PLCH1: variants seen among roughly 807,000 people sequenced by gnomAD.
PLCH1 encodes phospholipase C eta 1.
Under a neutral mutation model 126.7 loss-of-function variants are expected in PLCH1, and 60 were observed. The ratio of observed to expected loss-of-function variants is 0.47; its 90% CI spans 0.38 to 0.59. PLCH1 has a LOEUF of 0.59. Ranked by LOEUF, PLCH1 falls within the 20% of genes least tolerant of loss-of-function variation. PLCH1 has a pLI of 0.00. For missense variants in PLCH1, 1,723 were observed against 2,040.0 expected (o/e 0.84, Z 2.99); for synonymous variants, 719 against 734.9 (o/e 0.98, Z 0.35).
chr3:155,458,245 G>A (rs1386151653), intron 21 of PLCH1, among the ~76,000 whole-genome samples: 1 of 150,924 alleles, frequency 6.6e-6, no homozygotes, highest in Non-Finnish European at 1.5e-5. Context: ...AGGAGGCTGA[G>A]GCAGGAGAAT....
intron 7 of PLCH1, among the ~76,000 whole-genome samples, chr3:155,565,677 CT>C (rs1206850440): frequency 6.8e-6 from 1 of 147,756 alleles, no homozygotes; most frequent in Non-Finnish European, 1.5e-5. Context: ...TCTTTCTTTC[CT>C]TCTTTATTTT....
chr3:155,585,886 T>C (rs963850640), intron 5 of PLCH1, among the ~76,000 whole-genome samples, 179 bp downstream of exon 5: 1 of 152,244 alleles, frequency 6.6e-6, no homozygotes, highest in Non-Finnish European at 1.5e-5. Context: ...TTTGGACGAA[T>C]GTTAAATTTA....
chr3:155,710,480 A>T (rs1747023993), intron 1 of PLCH1, among the ~76,000 whole-genome samples: 1 of 152,214 alleles, frequency 6.6e-6, no homozygotes, highest in South Asian at 2.1e-4. Context: ...ACAATGATTC[A>T]AAACATAATT....
intron 2 of PLCH1, among the ~76,000 whole-genome samples, chr3:155,640,036 A>G (rs558278711): frequency 1.5e-4 from 23 of 152,220 alleles, no homozygotes; most frequent in Non-Finnish European, 3.1e-4. Context: ...AGCCTGCAGA[A>G]CTGTGAGTCT....
intron 21 of PLCH1, among the ~76,000 whole-genome samples, chr3:155,452,594 C>T (rs1240883101): frequency 6.6e-6 from 1 of 151,974 alleles, no homozygotes; most frequent in Non-Finnish European, 1.5e-5. Flanking sequence ...ATTTAGGGTA[C>T]CTTTATGGCC....
chr3:155,599,700 T>G (rs947806213), intron 2 of PLCH1, among the ~76,000 whole-genome samples: 1 of 152,222 alleles, frequency 6.6e-6, no homozygotes, highest in Admixed American at 6.5e-5. Flanking sequence ...GGACTGCCTA[T>G]GTATCTGACA....
chr3:155,535,657 C>T lies in PLCH1; in HGVS notation c.1363-11653G>A, dbSNP rs1316825488. ...CTCAAGAAGAGTCTGAGCTTAGACACGCCTGACCCTGCATCCAACTGATGG... is the reference window on the plus strand; with the variant it reads ...CTCAAGAAGAGTCTGAGCTTAGACATGCCTGACCCTGCATCCAACTGATGG... On this transcript the variant is annotated intron_variant, in intron 10 of 22. Coordinates refer to ENST00000460012, the MANE Select transcript of PLCH1 (RefSeq NM_014996.4). 6.6e-5 allele frequency among the ~76,000 whole-genome samples: 10 copies of T among 152,318 alleles called. No individual in the cohort carries two copies. In the South Asian group the frequency reaches 1.9e-3, roughly 28 times the overall value.
chr3:155,606,612 G>C (rs957865326), intron 2 of PLCH1, among the ~76,000 whole-genome samples: 1 of 152,204 alleles, frequency 6.6e-6, no homozygotes, highest in African/African-American at 2.4e-5. Context: ...GTTGCTTATA[G>C]TGAATGGTTA....
At chr3:155,655,871 T>C (rs1741295772) in intron 2 of PLCH1, among the ~76,000 whole-genome samples, 1 of 152,052 alleles carries the variant, frequency 6.6e-6, no homozygotes, top group South Asian at 2.1e-4. Context: ...AATTATTAAA[T>C]ACATTTTAAA....
At chr3:155,672,804 C>T (rs1334785970) in intron 2 of PLCH1, among the ~76,000 whole-genome samples, 3 of 152,154 alleles carry the variant, frequency 2.0e-5, no homozygotes, top group Non-Finnish European at 4.4e-5. Flanking sequence ...TCTACAGCAG[C>T]TTTGATCAGG....
chr3:155,514,457 T>G (rs545030533), intron 12 of PLCH1, among the ~76,000 whole-genome samples: 1 of 152,208 alleles, frequency 6.6e-6, no homozygotes. Flanking sequence ...TTCCCTCACC[T>G]GAGCATGCAT....
chr3:155,711,404 A>G (rs1325216062), intron 1 of PLCH1, among the ~76,000 whole-genome samples: 3 of 152,212 alleles, frequency 2.0e-5, no homozygotes, highest in Non-Finnish European at 4.4e-5. Context: ...GACACCACCA[A>G]TGAAGAATAT....
At chr3:155,541,081 A>G (rs1207759236) in intron 10 of PLCH1, among the ~76,000 whole-genome samples, 5 of 152,206 alleles carry the variant, frequency 3.3e-5, no homozygotes, top group Non-Finnish European at 7.4e-5. Flanking sequence ...GAAATATGGC[A>G]TTTGCAGCAA....
intron 2 of PLCH1, among the ~76,000 whole-genome samples, chr3:155,633,464 A>G (rs1577199832): frequency 6.6e-6 from 1 of 150,456 alleles, no homozygotes; most frequent in East Asian, 2.0e-4. Flanking sequence ...AAACACACCT[A>G]CTTGCATTAT....
At chr3:155,494,928 A>C (rs1716810797) in intron 15 of PLCH1, among the ~76,000 whole-genome samples, 1 of 152,234 alleles carries the variant, frequency 6.6e-6, no homozygotes, top group Non-Finnish European at 1.5e-5. Context: ...GATAACAGGA[A>C]GACATTCATT....
At chr3:155,550,935 G>C (rs1020135576) in intron 9 of PLCH1, among the ~76,000 whole-genome samples, 16 of 152,146 alleles carry the variant, frequency 1.1e-4, no homozygotes, top group African/African-American at 3.9e-4. Flanking sequence ...AAAACCTGAT[G>C]CTGTGGGCCA....
intron 11 of PLCH1, among the ~76,000 whole-genome samples, chr3:155,515,622 G>A (rs890689543): frequency 5.9e-5 from 9 of 152,212 alleles, no homozygotes; most frequent in African/African-American, 1.9e-4. Flanking sequence ...GAATTTTGAG[G>A]TGATCATGGG....
At chr3:155,687,779 G>A (rs1745070379) in intron 2 of PLCH1, among the ~76,000 whole-genome samples, 1 of 152,138 alleles carries the variant, frequency 6.6e-6, no homozygotes, top group Non-Finnish European at 1.5e-5. Context: ...TAATTCCCAA[G>A]GATCGGAACA....
chr3:155,658,686 T>C, intron 2 of PLCH1: 1 of 152,346 alleles, frequency 6.6e-6, no homozygotes, highest in Middle Eastern at 3.4e-3. Context: ...AAAATTTACT[T>C]TTAAAAAAGT....
Sources: allele counts gnomAD v4.1 joint callset (sites outside exome capture counted in the v4.1 genomes callset), GRCh38; gene constraint gnomAD v4.1.1; transcripts MANE v1.5; gene names NCBI Gene and HGNC (gene_info 2026-07-23, HGNC 2026-07-21).